ANO3: variants seen among roughly 807,000 people sequenced by gnomAD.
ANO3 encodes the protein anoctamin 3.
A neutral mutation model predicts 144.8 loss-of-function variants in ANO3; 99 were observed. The ratio of observed to expected loss-of-function variants is 0.68; its 90% CI spans 0.58 to 0.81. The LOEUF is 0.81. ANO3 is among the 30% of genes least tolerant of loss of function. The probability of loss-of-function intolerance (pLI) is 0.00; values close to 1 mark genes in which losing one functional copy is unlikely to be tolerated. For missense variants in ANO3, 905 were observed against 1,202.2 expected (o/e 0.75, Z 3.66); for synonymous variants, 414 against 392.6 (o/e 1.05, Z -0.64).
At chr11:26,363,767 A>G (rs935345461) in intron 1 of ANO3, among the ~76,000 whole-genome samples, 2 of 151,978 alleles carry the variant, frequency 1.3e-5, no homozygotes, top group African/African-American at 4.8e-5. Flanking sequence ...ATTCAAGCCT[A>G]TCATCAGCTT....
chr11:26,205,316 G>C (rs984519206), intron 1 of ANO3, among the ~76,000 whole-genome samples: 1 of 152,122 alleles, frequency 6.6e-6, no homozygotes, highest in Non-Finnish European at 1.5e-5. Flanking sequence ...ACATTGTACA[G>C]CTTATTTAAT....
At chr11:26,251,736 G>A (rs1330364071) in intron 1 of ANO3, among the ~76,000 whole-genome samples, 3 of 152,174 alleles carry the variant, frequency 2.0e-5, no homozygotes, top group Admixed American at 6.5e-5. Context: ...AGAAGGCGAA[G>A]GGGAAACAAA....
chr11:26,482,990 A>T (rs1183000195), intron 4 of ANO3, among the ~76,000 whole-genome samples: 1 of 152,058 alleles, frequency 6.6e-6, no homozygotes, highest in Non-Finnish European at 1.5e-5. Flanking sequence ...TGGACACTTG[A>T]TTACCTATCT....
intron 18 of ANO3, among the ~76,000 whole-genome samples, chr11:26,627,062 T>G (rs1047084758): frequency 3.9e-5 from 6 of 152,070 alleles, no homozygotes; most frequent in African/African-American, 1.4e-4. Context: ...CTTACTACAT[T>G]ATCATAGTTG....
chr11:26,453,344 G>C (rs1186260675), intron 3 of ANO3, among the ~76,000 whole-genome samples: 1 of 151,628 alleles, frequency 6.6e-6, no homozygotes, highest in Non-Finnish European at 1.5e-5. Context: ...CATCTCACGT[G>C]CAGAGACACA....
At chr11:26,465,272 T>TTAGA (rs60663776) in intron 4 of ANO3, among the ~76,000 whole-genome samples, 57,764 of 146,194 alleles carry the variant, frequency 0.4, 11,661 homozygotes, top group East Asian at 0.43. Flanking sequence ...ATGAACCTAT[T>TTAGA]TAGATAGATA....
chr11:26,359,447 C>T (rs1855866461), intron 1 of ANO3, among the ~76,000 whole-genome samples: 1 of 152,116 alleles, frequency 6.6e-6, no homozygotes. Flanking sequence ...TTTCTCTGGG[C>T]TCAAGAAGTT....
At chr11:26,615,526 C>T (rs1373393295) in intron 17 of ANO3, among the ~76,000 whole-genome samples, 1 of 151,584 alleles carries the variant, frequency 6.6e-6, no homozygotes, top group Admixed American at 6.6e-5. Context: ...TACCACATAA[C>T]ATCTATGAGC....
At chr11:26,532,965 T>C (rs1371279494) in intron 8 of ANO3, among the ~76,000 whole-genome samples, 1 of 152,222 alleles carries the variant, frequency 6.6e-6, no homozygotes, top group Non-Finnish European at 1.5e-5. Context: ...GCTTAAAAAT[T>C]ACTTGTTGAG....
At chr11:26,448,543 C>T (rs993015027) in intron 3 of ANO3, among the ~76,000 whole-genome samples, 11 of 152,114 alleles carry the variant, frequency 7.2e-5, no homozygotes, top group African/African-American at 2.4e-4. Flanking sequence ...TAGTTATGGT[C>T]AAAGGAGTAC....
intron 1 of ANO3, among the ~76,000 whole-genome samples, chr11:26,212,338 C>G (rs996265062): frequency 1.3e-5 from 2 of 150,418 alleles, no homozygotes; most frequent in Admixed American, 1.3e-4. Flanking sequence ...AAAAAATCAA[C>G]GAATCCAGGA....
Position 26,360,925 on chromosome 11 carries a change from G to A in ANO3, c.46+28604G>A, listed in dbSNP as rs1021315882. Among the ~76,000 whole-genome samples, 7 of 152,132 alleles carry A rather than the reference G, an allele frequency of 4.6e-5. No individual in the cohort carries two copies. In the East Asian group the frequency reaches 5.8e-4, roughly 13 times the overall value. On this transcript the variant is annotated intron_variant, in intron 1 of 26. Coordinates refer to ENST00000256737, the MANE Select transcript of ANO3 (RefSeq NM_031418.4). ...ACTGTTATTACGTGGATAACCTGAC[G>A]TCTTTGTAGAAATGAGCATTTTGAA...
intron 17 of ANO3, among the ~76,000 whole-genome samples, chr11:26,613,785 A>G (rs1306927119): frequency 1.3e-5 from 2 of 152,166 alleles, no homozygotes; most frequent in Non-Finnish European, 2.9e-5. Context: ...AGCCTAGTCT[A>G]TGGTTGACTA....
chr11:26,407,590 A>G lies in ANO3; in HGVS notation c.47-34328A>G, dbSNP rs563388442. On this transcript the variant is annotated intron_variant, in intron 1 of 26. Coordinates refer to ENST00000256737, the MANE Select transcript of ANO3 (RefSeq NM_031418.4). The stretch of plus-strand genomic sequence containing the variant: ...CTGCCCTCCTATAGATTACTGAAGC[A>G]TCCTATTTATGTCTTGTCATGATTT... Among the ~76,000 whole-genome samples, 22 of 151,994 alleles carry G rather than the reference A, an allele frequency of 1.4e-4. No individual in the cohort carries two copies. In the South Asian group the frequency reaches 3.7e-3, roughly 26 times the overall value.
At chr11:26,388,992 C>G (rs1396365510) in intron 1 of ANO3, among the ~76,000 whole-genome samples, 2 of 152,012 alleles carry the variant, frequency 1.3e-5, no homozygotes, top group Admixed American at 1.3e-4. Flanking sequence ...CTGAGAAAAG[C>G]CAAATACTCA....
chr11:26,615,562 G>C (rs886666969), intron 17 of ANO3, among the ~76,000 whole-genome samples: 2 of 151,738 alleles, frequency 1.3e-5, no homozygotes, highest in Non-Finnish European at 2.9e-5. Context: ...TTTTAAATGA[G>C]GGACATAAAA....
chr11:26,578,893 C>T (rs749324699), intron 14 of ANO3, among the ~76,000 whole-genome samples: 18 of 152,252 alleles, frequency 1.2e-4, no homozygotes, highest in South Asian at 2.1e-4. Flanking sequence ...TTCAACAATA[C>T]GTGATATTCT....
chr11:26,418,693 C>T (rs1857662853), intron 1 of ANO3, among the ~76,000 whole-genome samples: 1 of 152,080 alleles, frequency 6.6e-6, no homozygotes, highest in African/African-American at 2.4e-5. Context: ...TTTACTGCTA[C>T]AAACAAACAA....
intron 1 of ANO3, among the ~76,000 whole-genome samples, chr11:26,309,934 C>T (rs11824431): frequency 0.039 from 5,916 of 152,168 alleles, 396 homozygotes; most frequent in African/African-American, 0.13. Flanking sequence ...CTAATAAAAA[C>T]GCATTTACTT....
Sources: gnomAD v4.1 joint callset for allele counts (sites outside exome capture counted in the v4.1 genomes callset) on GRCh38, gnomAD v4.1.1 for gene constraint, MANE v1.5 for transcripts, NCBI Gene and HGNC (gene_info 2026-07-23, HGNC 2026-07-21) for gene names.